RUNX1T1: variants seen among roughly 807,000 people sequenced by gnomAD.
RUNX1T1 encodes the protein protein CBFA2T1.
In RUNX1T1, 4 loss-of-function variants were observed where a neutral mutation model predicts 62.8. The ratio of observed to expected loss-of-function variants is 0.06; its 90% confidence interval spans 0.03 to 0.15. The LOEUF (loss-of-function observed/expected upper bound fraction) is 0.15, where lower values mean the gene tolerates loss of function less well. Ranked by LOEUF, RUNX1T1 falls within the 10% of genes least tolerant of loss-of-function variation. The pLI, the probability that RUNX1T1 is intolerant of heterozygous loss-of-function variation, is 1.00. For missense variants in RUNX1T1, 508 were observed against 754.3 expected (o/e 0.67, Z 3.82); for synonymous variants, 291 against 286.0 (o/e 1.02, Z -0.18).
intron 4 of RUNX1T1, among the ~76,000 whole-genome samples, chr8:92,008,181 G>A (rs1821186684): frequency 1.3e-5 from 2 of 151,856 alleles, no homozygotes; most frequent in South Asian, 4.2e-4. Flanking sequence ...CCAAAGATAA[G>A]AAATCCTAGA....
intron 2 of RUNX1T1, 57 bp downstream of exon 3, chr8:92,017,169 A>G: frequency 1.6e-6 from 2 of 1,281,836 alleles, no homozygotes; most frequent in South Asian, 1.3e-5. Context: ...CATTTGCAGA[A>G]AAAAATTTAA....
At chr8:91,955,826 A>C (rs1482171208), downstream of RUNX1T1, 1 of 227,450 alleles carries the variant, frequency 4.4e-6, no homozygotes. Context: ...AACAGCATTC[A>C]CAGGGTAGGG....
At chr8:91,979,517 T>C (rs528216824) in intron 8 of RUNX1T1, among the ~76,000 whole-genome samples, 1 of 152,064 alleles carries the variant, frequency 6.6e-6, no homozygotes, top group African/African-American at 2.4e-5. Context: ...TAAACGTATA[T>C]ATATATGCAA....
chr8:91,980,304 G>T (rs1814939439), intron 8 of RUNX1T1, among the ~76,000 whole-genome samples: 2 of 152,154 alleles, frequency 1.3e-5, no homozygotes, highest in African/African-American at 4.8e-5. Context: ...GTGATTTAAA[G>T]AAATCAATAC....
chr8:91,990,619 G>C (rs1817469691), intron 6 of RUNX1T1, among the ~76,000 whole-genome samples: 1 of 151,832 alleles, frequency 6.6e-6, no homozygotes, highest in South Asian at 2.1e-4. Flanking sequence ...TTCTATAGAA[G>C]GCAATGTCTT....
downstream of RUNX1T1, chr8:91,957,980 A>G (rs1248520678): frequency 1.4e-5 from 3 of 219,914 alleles, no homozygotes. Flanking sequence ...AATACAGGGA[A>G]GAAATGCTTT....
At chr8:91,981,944 A>C (rs959295830) in intron 8 of RUNX1T1, among the ~76,000 whole-genome samples, 2 of 151,970 alleles carry the variant, frequency 1.3e-5, no homozygotes, top group East Asian at 3.9e-4. Flanking sequence ...CCCTAAACCT[A>C]TCATTAGAAA....
chr8:92,046,896 T>G (rs571963099), intron 1 of RUNX1T1, among the ~76,000 whole-genome samples: 15 of 152,242 alleles, frequency 9.9e-5, no homozygotes, highest in Non-Finnish European at 2.1e-4. Flanking sequence ...TGGATGACAG[T>G]AAATATCTGG....
chr8:91,993,517 C>T (rs1481815384), intron 5 of RUNX1T1, among the ~76,000 whole-genome samples: 1 of 152,102 alleles, frequency 6.6e-6, no homozygotes, highest in Non-Finnish European at 1.5e-5. Context: ...CCTCCAGTTA[C>T]TTAACTTTCT....
intron 1 of RUNX1T1, among the ~76,000 whole-genome samples, chr8:92,060,591 T>G (rs995950929): frequency 1.6e-5 from 2 of 123,870 alleles, no homozygotes; most frequent in Admixed American, 1.6e-4. Context: ...GTGTGTATGT[T>G]GATATATAGT....
intron 1 of RUNX1T1, among the ~76,000 whole-genome samples, chr8:92,040,372 C>T (rs563110969): frequency 3.2e-4 from 49 of 152,208 alleles, no homozygotes; most frequent in African/African-American, 1.1e-3. Context: ...CACATACACA[C>T]GGACACACAT....
chr8:92,076,260 A>G, intron 1 of RUNX1T1, 123 bp from the exon 2 acceptor site: 2 of 647,042 alleles, frequency 3.1e-6, no homozygotes, highest in East Asian at 7.1e-5. Context: ...AAAAAAACAG[A>G]TACAAGCTCT....
intron 1 of RUNX1T1, chr8:92,062,422 C>T: frequency 9.3e-7 from 1 of 1,073,362 alleles, no homozygotes; most frequent in South Asian, 1.3e-5. Flanking sequence ...TCTGTCACCC[C>T]CAGCCTCTTC....
intron 8 of RUNX1T1, among the ~76,000 whole-genome samples, chr8:91,982,119 C>G (rs2976504): frequency 6.6e-6 from 1 of 151,234 alleles, no homozygotes; most frequent in Non-Finnish European, 1.5e-5. Flanking sequence ...TGGTGGTGGT[C>G]TACCTGTAGT....
intron 2 of RUNX1T1, among the ~76,000 whole-genome samples, chr8:92,073,204 G>T (rs1445720106): frequency 2.0e-5 from 3 of 152,112 alleles, no homozygotes; most frequent in Non-Finnish European, 4.4e-5. Context: ...TCCCTACAAT[G>T]GCAGGCATTA....
intron 3 of RUNX1T1, among the ~76,000 whole-genome samples, chr8:92,012,253 G>A (rs922482146): frequency 1.3e-5 from 2 of 152,138 alleles, no homozygotes; most frequent in Admixed American, 1.3e-4. Flanking sequence ...CAAAAGGACA[G>A]TACTTCCGGT....
intron 1 of RUNX1T1, among the ~76,000 whole-genome samples, chr8:92,040,827 C>T (rs1828300616): frequency 6.6e-6 from 1 of 151,992 alleles, no homozygotes; most frequent in Non-Finnish European, 1.5e-5. Flanking sequence ...ATCACTTGTG[C>T]CCAGGTGTTA....
chr8:91,973,067 T>C (rs914129247), intron 9 of RUNX1T1, among the ~76,000 whole-genome samples: 3 of 151,988 alleles, frequency 2.0e-5, no homozygotes, highest in Non-Finnish European at 4.4e-5. Flanking sequence ...TTGGGGGCAA[T>C]GTGAAAGATT....
At chr8:92,008,559 A>C (rs1013978175) in intron 4 of RUNX1T1, among the ~76,000 whole-genome samples, 23 of 152,120 alleles carry the variant, frequency 1.5e-4, no homozygotes, top group Admixed American at 1.4e-3. Context: ...TATTGAACCA[A>C]GCAGGCAAAC....
Sources: allele counts gnomAD v4.1 joint callset (sites outside exome capture counted in the v4.1 genomes callset), GRCh38; gene constraint gnomAD v4.1.1; transcripts MANE v1.5; gene names NCBI Gene and HGNC (gene_info 2026-07-23, HGNC 2026-07-21).